The following MLLT10 variants were observed in gnomAD, a reference collection of about 807,000 sequenced individuals.
MLLT10 encodes the protein MLLT10 histone lysine methyltransferase DOT1L cofactor, also known as protein AF-10.
MLLT10 carries 30 observed loss-of-function variants against 129.1 expected under a neutral mutation model. The ratio of observed to expected loss-of-function variants is 0.23; its 90% CI spans 0.17 to 0.32. The LOEUF (loss-of-function observed/expected upper bound fraction) is 0.32, where lower values mean the gene tolerates loss of function less well. MLLT10 is among the 10% of genes least tolerant of loss of function. The pLI, the probability that MLLT10 is intolerant of heterozygous loss-of-function variation, is 1.00. For missense variants in MLLT10, 1,119 were observed against 1,268.3 expected, an observed-to-expected ratio of 0.88 and a Z score of 1.79; for synonymous variants, 490 against 446.4, an observed-to-expected ratio of 1.10 and a Z score of -1.23.
intron 5 of MLLT10, among the ~76,000 whole-genome samples, chr10:21,602,156 C>G (rs1766577085): frequency 1.3e-5 from 2 of 152,154 alleles, no homozygotes; most frequent in African/African-American, 4.8e-5. Context: ...AGTACCTAGG[C>G]ACCATTCCAT....
chr10:21,636,748 A>AT (rs1289540274), intron 8 of MLLT10, among the ~76,000 whole-genome samples: 2 of 151,082 alleles, frequency 1.3e-5, no homozygotes, highest in Non-Finnish European at 3.0e-5. Context: ...TAATTTTTGT[A>AT]TTTTTAGTAG....
At chr10:21,586,127 A>G (rs1449254005) in intron 3 of MLLT10, among the ~76,000 whole-genome samples, 167 bp from the exon 4 acceptor site, 2 of 152,352 alleles carry the variant, frequency 1.3e-5, no homozygotes, top group South Asian at 2.1e-4. Flanking sequence ...AGAAGATCAC[A>G]TGTCATCAAG....
At chr10:21,722,162 A>G (rs1389797088) in intron 14 of MLLT10, among the ~76,000 whole-genome samples, 4 of 152,144 alleles carry the variant, frequency 2.6e-5, no homozygotes, top group African/African-American at 7.2e-5. Flanking sequence ...AAAAGTTACA[A>G]GGACAGTACA....
chr10:21,731,428 C>G (rs1172952253), intron 17 of MLLT10, among the ~76,000 whole-genome samples: 1 of 152,070 alleles, frequency 6.6e-6, no homozygotes, highest in Non-Finnish European at 1.5e-5. Flanking sequence ...TGTCTCGGTG[C>G]TTACCATGAT....
chr10:21,716,365 G>A (rs537801288), intron 14 of MLLT10, among the ~76,000 whole-genome samples: 44 of 152,252 alleles, frequency 2.9e-4, no homozygotes, highest in African/African-American at 1.1e-3. Context: ...AATGCAGTAA[G>A]ATAAATGGGT....
intron 9 of MLLT10, among the ~76,000 whole-genome samples, chr10:21,652,128 G>A (rs1030323531): frequency 6.6e-6 from 1 of 151,732 alleles, no homozygotes; most frequent in African/African-American, 2.4e-5. Flanking sequence ...TAGCCAGGAT[G>A]GTCTCGATCT....
At chr10:21,735,091 T>G in intron 20 of MLLT10, 48 bp from the exon 21 acceptor site, 1 of 1,327,958 alleles carries the variant, frequency 7.5e-7, no homozygotes, top group Non-Finnish European at 1.1e-6. Context: ...CTTCTAAAAA[T>G]GCATTAGAGG....
chr10:21,626,514 A>G (rs961063603), intron 8 of MLLT10, among the ~76,000 whole-genome samples: 1 of 152,202 alleles, frequency 6.6e-6, no homozygotes, highest in South Asian at 2.1e-4. Flanking sequence ...TGAAAGCTGC[A>G]TTAATACATT....
intron 17 of MLLT10, among the ~76,000 whole-genome samples, chr10:21,732,665 T>G (rs2058061855): frequency 6.6e-6 from 1 of 152,164 alleles, no homozygotes. Flanking sequence ...GGCAACAAAG[T>G]TTCCAGAAGG....
chr10:21,740,491 A>G (rs1428039389), intron 22 of MLLT10, among the ~76,000 whole-genome samples: 2 of 152,228 alleles, frequency 1.3e-5, no homozygotes, highest in Non-Finnish European at 1.5e-5. Context: ...TTAGCAAGTC[A>G]TATGGGACAA....
chr10:21,672,402 A>T (rs1195132050), intron 10 of MLLT10, among the ~76,000 whole-genome samples: 1 of 151,854 alleles, frequency 6.6e-6, no homozygotes, highest in Non-Finnish European at 1.5e-5. Flanking sequence ...TCATTTTTAA[A>T]TTTTTTGTAG....
intron 3 of MLLT10, among the ~76,000 whole-genome samples, chr10:21,550,488 A>C (rs534406443): frequency 2.0e-5 from 3 of 152,290 alleles, no homozygotes; most frequent in Admixed American, 2.0e-4. Context: ...TGTTTCTGAT[A>C]GCTTCGTTAA....
At chr10:21,648,408 G>A (rs1468617970) in intron 8 of MLLT10, among the ~76,000 whole-genome samples, 1 of 152,076 alleles carries the variant, frequency 6.6e-6, no homozygotes, top group Non-Finnish European at 1.5e-5. Context: ...ATGTACATGT[G>A]TATTTTTTGC....
At chr10:21,625,955 A>G (rs1225424509) in intron 8 of MLLT10, 1 of 818,532 alleles carries the variant, frequency 1.2e-6, no homozygotes. Context: ...CTCTGTTCCA[A>G]TTCTAGGTTG....
chr10:21,645,648 G>T (rs2048401357), intron 8 of MLLT10, among the ~76,000 whole-genome samples: 1 of 152,040 alleles, frequency 6.6e-6, no homozygotes, highest in Non-Finnish European at 1.5e-5. Flanking sequence ...ATTTACTCTA[G>T]AGTTTTCCTG....
At position 21,546,490 on chromosome 10, in the gene MLLT10, C is replaced by T. The variant is rs576665850; in HGVS notation, c.240+7578C>T. 1.1e-4 allele frequency among the ~76,000 whole-genome samples: 17 copies of T among 151,512 alleles called. No individual in the cohort carries two copies. The South Asian group carries it at 1.3e-3, about 11-fold the overall frequency. Reference sequence around the variant, plus strand: ...TGTGATCTCCGCTTACTGCAACCTCCGCCTCCCAGGTTCAAGCGATTCTCC... The same window carrying T: ...TGTGATCTCCGCTTACTGCAACCTCTGCCTCCCAGGTTCAAGCGATTCTCC... On this transcript the variant is annotated intron_variant, in intron 3 of 22. Transcript: ENST00000307729.
chr10:21,635,719 G>GT (rs928010214), intron 8 of MLLT10, among the ~76,000 whole-genome samples: 3 of 150,728 alleles, frequency 2.0e-5, no homozygotes, highest in Non-Finnish European at 3.0e-5. Flanking sequence ...TTCTCTTGCT[G>GT]TTTTTTGTTG....
intron 3 of MLLT10, among the ~76,000 whole-genome samples, chr10:21,554,392 T>G (rs548635894): frequency 6.6e-6 from 1 of 152,164 alleles, no homozygotes; most frequent in African/African-American, 2.4e-5. Context: ...AAAGTGATTC[T>G]CTCAGCCTTC....
At chr10:21,668,319 G>C (rs953706684) in intron 9 of MLLT10, among the ~76,000 whole-genome samples, 5 of 151,974 alleles carry the variant, frequency 3.3e-5, no homozygotes, top group African/African-American at 1.2e-4. Context: ...CCTTTTACCT[G>C]TCTTCGATTT....
Sources: allele counts gnomAD v4.1 joint callset (sites outside exome capture counted in the v4.1 genomes callset), GRCh38; gene constraint gnomAD v4.1.1; transcripts MANE v1.5; gene names NCBI Gene and HGNC (gene_info 2026-07-23, HGNC 2026-07-21).